Variants in GALNT13 observed in about 807,000 individuals in gnomAD.
GALNT13 encodes the protein polypeptide N-acetylgalactosaminyltransferase 13, also known as UDP-GalNAc:polypeptide N-acetylgalactosaminyltransferase 13.
GALNT13 carries 28 observed loss-of-function variants against 64.2 expected under a neutral mutation model. That is an observed-to-expected ratio of 0.44 (90% CI 0.32 to 0.60). The LOEUF (loss-of-function observed/expected upper bound fraction) is 0.60, where lower values mean the gene tolerates loss of function less well. Ranked by LOEUF, GALNT13 falls within the 20% of genes least tolerant of loss-of-function variation. The pLI is 0.05. For missense variants in GALNT13, 577 were observed against 669.8 expected (o/e 0.86, Z 1.53); for synonymous variants, 214 against 224.6 (o/e 0.95, Z 0.42).
the GALNT13 span, among the ~76,000 whole-genome samples, chr2:153,585,118 T>G: frequency 6.6e-6 from 1 of 152,178 alleles, no homozygotes; most frequent in South Asian, 2.1e-4. Flanking sequence ...AAAATATTGA[T>G]TTTTAAAGAG....
chr2:153,848,060 A>G, the GALNT13 span, among the ~76,000 whole-genome samples: 2 of 152,172 alleles, frequency 1.3e-5, no homozygotes, highest in Non-Finnish European at 2.9e-5. Flanking sequence ...AGCTCTTTCT[A>G]AATAATCAAG....
At chr2:153,120,747 G>C in the GALNT13 span, among the ~76,000 whole-genome samples, 4 of 152,248 alleles carry the variant, frequency 2.6e-5, no homozygotes, top group East Asian at 7.7e-4. Flanking sequence ...CTTGGAGTTA[G>C]AGCCAGAGGA....
At chr2:153,322,136 T>C in the GALNT13 span, among the ~76,000 whole-genome samples, 17 of 152,046 alleles carry the variant, frequency 1.1e-4, no homozygotes, top group Non-Finnish European at 2.2e-4. Flanking sequence ...GTACTGGGCA[T>C]AGTATCTAAT....
chr2:153,503,293 CA>C, the GALNT13 span, among the ~76,000 whole-genome samples: 1 of 152,176 alleles, frequency 6.6e-6, no homozygotes, highest in Non-Finnish European at 1.5e-5. Flanking sequence ...CATTCTCCTG[CA>C]GTGGATTGCC....
chr2:153,850,005 CAAAAAAAAA>C, the GALNT13 span, among the ~76,000 whole-genome samples: 125 of 84,694 alleles, frequency 1.5e-3, no homozygotes, highest in African/African-American at 4.2e-3. Context: ...ACTAAAAATA[CAAAAAAAAA>C]AAAAAAAAAA....
At chr2:154,012,422 C>T (rs1160218822) in intron 3 of GALNT13, among the ~76,000 whole-genome samples, 4 of 152,124 alleles carry the variant, frequency 2.6e-5, no homozygotes, top group Non-Finnish European at 5.9e-5. Context: ...TGAAGGGTTT[C>T]TGCTGAAAGT....
the GALNT13 span, among the ~76,000 whole-genome samples, chr2:153,608,547 G>A: frequency 1.3e-5 from 2 of 151,316 alleles, no homozygotes; most frequent in Admixed American, 1.3e-4. Context: ...AACAGCCGCT[G>A]TTGCCTGATA....
At chr2:153,676,045 A>G in the GALNT13 span, among the ~76,000 whole-genome samples, 2 of 152,132 alleles carry the variant, frequency 1.3e-5, no homozygotes, top group Admixed American at 6.6e-5. Flanking sequence ...TTGAGACACA[A>G]AAAGCTTTAA....
chr2:153,851,683 C>T, the GALNT13 span, among the ~76,000 whole-genome samples: 2 of 151,946 alleles, frequency 1.3e-5, no homozygotes, highest in African/African-American at 4.8e-5. Flanking sequence ...TATGACAGAG[C>T]AAGAACCTGT....
At chr2:153,090,169 A>G in the GALNT13 span, among the ~76,000 whole-genome samples, 1 of 152,036 alleles carries the variant, frequency 6.6e-6, no homozygotes, top group Non-Finnish European at 1.5e-5. Flanking sequence ...GCTCTCCCCT[A>G]TCCCTTAGGA....
chr2:154,236,236 A>G (rs1308557225), intron 4 of GALNT13: 21 of 862,792 alleles, frequency 2.4e-5, no homozygotes, highest in Admixed American at 1.1e-4. Flanking sequence ...AACCTCATGC[A>G]TCATATTTTA....
At chr2:153,417,396 T>C in the GALNT13 span, among the ~76,000 whole-genome samples, 2 of 152,162 alleles carry the variant, frequency 1.3e-5, no homozygotes, top group East Asian at 1.9e-4. Context: ...TAACTTATGC[T>C]TTCACTTAGA....
the GALNT13 span, among the ~76,000 whole-genome samples, chr2:153,250,035 A>G: frequency 4.6e-5 from 7 of 152,232 alleles, no homozygotes; most frequent in African/African-American, 1.7e-4. Context: ...AAATTGACAA[A>G]TGGGATCTAA....
chr2:154,202,240 G>A (rs1221017761), intron 4 of GALNT13, among the ~76,000 whole-genome samples: 1 of 151,960 alleles, frequency 6.6e-6, no homozygotes, highest in East Asian at 1.9e-4. Context: ...GGCTAGATTG[G>A]GGTATTCAGG....
intron 10 of GALNT13, among the ~76,000 whole-genome samples, chr2:154,397,874 A>T (rs1699128533): frequency 6.6e-6 from 1 of 152,144 alleles, no homozygotes; most frequent in African/African-American, 2.4e-5. Flanking sequence ...ATGACTTTAG[A>T]CTAGTCACTT....
chr2:153,536,978 A>G, the GALNT13 span, among the ~76,000 whole-genome samples: 1 of 152,258 alleles, frequency 6.6e-6, no homozygotes, highest in African/African-American at 2.4e-5. Context: ...GTTAAAAGCT[A>G]ACTACATCTT....
chr2:154,290,606 A>G (rs921953128), intron 8 of GALNT13, among the ~76,000 whole-genome samples: 1 of 152,146 alleles, frequency 6.6e-6, no homozygotes, highest in Admixed American at 6.5e-5. Flanking sequence ...CCTGAGACCA[A>G]ATTTGGGGGA....
At chr2:153,566,360 T>G in the GALNT13 span, among the ~76,000 whole-genome samples, 2 of 140,478 alleles carry the variant, frequency 1.4e-5, no homozygotes, top group African/African-American at 2.8e-5. Context: ...TTTTTTTTTT[T>G]TTTTTTTTTT....
chr2:153,899,122 A>C (rs1391059553), intron 1 of GALNT13, among the ~76,000 whole-genome samples: 1 of 152,184 alleles, frequency 6.6e-6, no homozygotes, highest in Non-Finnish European at 1.5e-5. Flanking sequence ...ATGGTGTGGG[A>C]CAAACGAAAT....
Sources: allele counts gnomAD v4.1 joint callset (sites outside exome capture counted in the v4.1 genomes callset), GRCh38; gene constraint gnomAD v4.1.1; transcripts MANE v1.5; gene names NCBI Gene and HGNC (gene_info 2026-07-23, HGNC 2026-07-21).